Variants in SGIP1 observed in about 807,000 individuals in gnomAD.
SGIP1 encodes SH3GL interacting endocytic adaptor 1.
Under a neutral mutation model 107.5 loss-of-function variants are expected in SGIP1, and 38 were observed. That is an observed-to-expected ratio of 0.35 (90% CI 0.27 to 0.46). The LOEUF (loss-of-function observed/expected upper bound fraction) is 0.46. Ranked by LOEUF, SGIP1 falls within the 20% of genes least tolerant of loss-of-function variation. SGIP1 has a pLI of 1.00. For missense variants in SGIP1, 929 were observed against 1,019.5 expected (o/e 0.91, Z 1.21); for synonymous variants, 365 against 366.1 (o/e 1.00, Z 0.03).
chr1:66,675,548 T>TTTC (rs2085081917), intron 12 of SGIP1, among the ~76,000 whole-genome samples: 1 of 135,280 alleles, frequency 7.4e-6, no homozygotes, highest in Non-Finnish European at 1.6e-5. Context: ...TTTCTTTTTT[T>TTTC]TTTTTTTTTT....
At chr1:66,632,396 G>C (rs2074949462) in intron 2 of SGIP1, among the ~76,000 whole-genome samples, 1 of 152,138 alleles carries the variant, frequency 6.6e-6, no homozygotes, top group African/African-American at 2.4e-5. Context: ...GAAATATGGA[G>C]GAAAGTACCA....
chr1:66,733,046 C>G (rs1027593061), intron 20 of SGIP1, among the ~76,000 whole-genome samples: 1 of 152,152 alleles, frequency 6.6e-6, no homozygotes, highest in African/African-American at 2.4e-5. Context: ...GGTAAGTGGT[C>G]TGTATACAGG....
chr1:66,574,265 C>G (rs2060758097), intron 1 of SGIP1, among the ~76,000 whole-genome samples: 1 of 152,092 alleles, frequency 6.6e-6, no homozygotes, highest in South Asian at 2.1e-4. Context: ...CACTTCCACT[C>G]AAGTTCCACT....
At chr1:66,659,916 CAGAAAG>C (rs1199114111) in intron 7 of SGIP1, among the ~76,000 whole-genome samples, 16 of 121,648 alleles carry the variant, frequency 1.3e-4, no homozygotes, top group Middle Eastern at 7.5e-3. Flanking sequence ...CTGTCAGAAA[CAGAAAG>C]AGAAAAAGAG....
chr1:66,694,884 G>C, intron 17 of SGIP1: 1 of 227,728 alleles, frequency 4.4e-6, no homozygotes, highest in Non-Finnish European at 8.4e-6. Flanking sequence ...CATAGGTAAA[G>C]GGTGTTTTGT....
intron 1 of SGIP1, among the ~76,000 whole-genome samples, chr1:66,568,713 A>G (rs1003703527): frequency 2.6e-5 from 4 of 152,034 alleles, no homozygotes; most frequent in African/African-American, 4.8e-5. Flanking sequence ...CTGGTTCAAC[A>G]TACGCAAATC....
intron 1 of SGIP1, among the ~76,000 whole-genome samples, chr1:66,554,936 G>T (rs1359431481): frequency 6.6e-6 from 1 of 152,144 alleles, no homozygotes; most frequent in Non-Finnish European, 1.5e-5. Flanking sequence ...TAACCTTAGA[G>T]ATGCTCTATC....
intron 1 of SGIP1, among the ~76,000 whole-genome samples, chr1:66,605,380 G>C (rs1361597215): frequency 2.6e-5 from 4 of 152,006 alleles, no homozygotes; most frequent in Non-Finnish European, 4.4e-5. Flanking sequence ...CTCCCTTAAG[G>C]GGTAGAGAAA....
chr1:66,550,694 T>G (rs1274311378), intron 1 of SGIP1, among the ~76,000 whole-genome samples: 1 of 152,158 alleles, frequency 6.6e-6, no homozygotes, highest in Non-Finnish European at 1.5e-5. Flanking sequence ...CTATAAACAT[T>G]TATCTCATTT....
At chr1:66,667,477 T>A in intron 8 of SGIP1, 53 bp from the exon 9 acceptor site, 2 of 1,563,106 alleles carry the variant, frequency 1.3e-6, no homozygotes, top group Admixed American at 1.7e-5. Flanking sequence ...TGTTGACTGA[T>A]CCATCATTCT....
At chr1:66,685,905 C>A (rs2088093121) in intron 15 of SGIP1, among the ~76,000 whole-genome samples, 1 of 152,064 alleles carries the variant, frequency 6.6e-6, no homozygotes, top group Non-Finnish European at 1.5e-5. Context: ...TGTTAGTCAT[C>A]AAAAAGAGAA....
intron 17 of SGIP1, 129 bp from the exon 18 acceptor site, chr1:66,695,305 G>C: frequency 2.2e-6 from 3 of 1,365,446 alleles, no homozygotes; most frequent in Non-Finnish European, 2.9e-6. Flanking sequence ...TTTCCTGCAC[G>C]CTAATGGCAT....
At chr1:66,654,262 C>G (rs1335071633) in intron 7 of SGIP1, among the ~76,000 whole-genome samples, 1 of 152,100 alleles carries the variant, frequency 6.6e-6, no homozygotes, top group Non-Finnish European at 1.5e-5. Flanking sequence ...TTTTTCACTA[C>G]TTGATGGGTG....
intron 8 of SGIP1, among the ~76,000 whole-genome samples, chr1:66,665,575 T>A (rs1424250432): frequency 6.6e-6 from 1 of 152,244 alleles, no homozygotes; most frequent in Non-Finnish European, 1.5e-5. Flanking sequence ...TGAACTCATT[T>A]ACACTCCCAC....
intron 5 of SGIP1, among the ~76,000 whole-genome samples, chr1:66,640,865 A>G (rs1376870476): frequency 1.3e-5 from 2 of 151,996 alleles, no homozygotes; most frequent in South Asian, 2.1e-4. Context: ...TGAGTTTCAG[A>G]CATAGAAAGA....
At chr1:66,575,062 G>C (rs2060880694) in intron 1 of SGIP1, among the ~76,000 whole-genome samples, 2 of 152,298 alleles carry the variant, frequency 1.3e-5, no homozygotes, top group South Asian at 4.1e-4. Context: ...CTTTTGAGCA[G>C]AGTTTATGAA....
At chr1:66,589,383 C>T in intron 1 of SGIP1, among the ~76,000 whole-genome samples, 1 of 150,300 alleles carries the variant, frequency 6.7e-6, no homozygotes, top group Non-Finnish European at 1.5e-5. Context: ...AAATTCTGTT[C>T]TTAACCCCAA....
intron 17 of SGIP1, among the ~76,000 whole-genome samples, chr1:66,691,210 C>T (rs1014831319): frequency 6.6e-6 from 1 of 152,180 alleles, no homozygotes; most frequent in Admixed American, 6.5e-5. Flanking sequence ...GCCCATCCCA[C>T]ATTGCTTGGG....
At chr1:66,604,855 A>G (rs12092996) in intron 1 of SGIP1, among the ~76,000 whole-genome samples, 7,662 of 152,226 alleles carry the variant, frequency 0.05, 587 homozygotes, top group African/African-American at 0.16. Flanking sequence ...ACATCCAATC[A>G]TTCACTTAGT....
Sources: gnomAD v4.1 joint callset for allele counts (sites outside exome capture counted in the v4.1 genomes callset) on GRCh38, gnomAD v4.1.1 for gene constraint, MANE v1.5 for transcripts, NCBI Gene and HGNC (gene_info 2026-07-23, HGNC 2026-07-21) for gene names.